Variants in ZFHX3 observed in about 807,000 individuals in gnomAD.
ZFHX3 encodes the protein zinc finger homeobox protein 3.
ZFHX3 carries 42 observed loss-of-function variants against 279.1 expected under a neutral mutation model. The ratio of observed to expected loss-of-function variants is 0.15; its 90% CI spans 0.12 to 0.19. The LOEUF (loss-of-function observed/expected upper bound fraction) is 0.19. ZFHX3 is among the 10% of genes least tolerant of loss of function. The pLI is 1.00. For missense variants in ZFHX3, 4,981 were observed against 4,754.0 expected (o/e 1.05, Z -1.40); for synonymous variants, 2,293 against 1,957.8 (o/e 1.17, Z -4.52).
rs2035940339 is a variant in ZFHX3, at chr16:72,797,251, G to A, written c.5431C>T (p.Pro1811Ser). The change falls in exon 9 of 10, where the codon CCC (proline) becomes TCC (serine). Residue 1811 changes from proline (P) to serine (S), a missense_variant. Pro to Ser is a moderately conservative substitution (Grantham distance 74). Transcript: ENST00000268489. ...CTGGTCACTGGCAAGCTCACCTCGG[G>A]GTTAAGCTGGAACTCAGCACTGGGG... ...YIPSAEFQLN[P>S]EVSLPVTSGA... 17 of 1,613,632 alleles carry A rather than the reference G, an allele frequency of 1.1e-5. No homozygotes were observed. Among genetic ancestry groups the A allele is most frequent in the Non-Finnish European group, 1.4e-5 (16 of 1,179,750 alleles).
At chr16:73,009,048 A>G (rs1047851866) in intron 1 of ZFHX3, among the ~76,000 whole-genome samples, 8 of 152,126 alleles carry the variant, frequency 5.3e-5, no homozygotes, top group Non-Finnish European at 2.9e-5. Context: ...AGTTCCCTGT[A>G]TCTCCTTACG....
In ZFHX3 at chr16:73,105,396, T is replaced by TATATATATATATACACACAC. The variant is rs1567389820; in HGVS notation, c.-896-11818_-896-11799dup. 2.4e-3 allele frequency among the ~76,000 whole-genome samples: 78 copies of TATATATATATATACACACAC among 33,024 alleles called. 5 individuals are homozygous for TATATATATATATACACACAC. Among genetic ancestry groups the TATATATATATATACACACAC allele is most frequent in the South Asian group, 0.021 (7 of 326 alleles). 21.7% of individuals were successfully genotyped at this position (33,024 alleles called of 152,430 possible). A position where few individuals can be genotyped will look rare whatever the true frequency, so the allele number is the denominator to read the frequency against. On this transcript the variant is annotated intron_variant, in intron 7 of 17. Transcript: ENST00000641206. Reference sequence around the variant, plus strand: ...ATATATATATATACACACACACACATATATATATATATACACACACACATA... The same window carrying TATATATATATATACACACAC: ...ATATATATATATACACACACACACATATATATATATATACACACACATATATATATATACACACACACATA...
intron 4 of ZFHX3, among the ~76,000 whole-genome samples, chr16:72,838,509 T>C (rs2037258221): frequency 6.6e-6 from 1 of 152,200 alleles, no homozygotes. Context: ...CCAGGGCCTA[T>C]TAAGGCCTCC....
chr16:72,827,165 C>T (rs1354846382), intron 5 of ZFHX3, among the ~76,000 whole-genome samples: 1 of 152,176 alleles, frequency 6.6e-6, no homozygotes, highest in Non-Finnish European at 1.5e-5. Flanking sequence ...CCATTAAATG[C>T]TTGTATGTTG....
chr16:73,018,838 T>C (rs1054397511), intron 1 of ZFHX3, among the ~76,000 whole-genome samples: 1 of 152,150 alleles, frequency 6.6e-6, no homozygotes, highest in African/African-American at 2.4e-5. Context: ...ACAGCTCTTC[T>C]CATTCAAAGG....
chr16:73,533,877 T>C (rs957703323), intron 2 of ZFHX3, among the ~76,000 whole-genome samples: 10 of 152,112 alleles, frequency 6.6e-5, no homozygotes, highest in African/African-American at 2.4e-4. Flanking sequence ...CCACTTCTTA[T>C]CTCCCCATTG....
intron 2 of ZFHX3, among the ~76,000 whole-genome samples, chr16:72,952,893 A>T (rs1220058144): frequency 6.6e-6 from 1 of 152,114 alleles, no homozygotes; most frequent in Non-Finnish European, 1.5e-5. Flanking sequence ...TCTTTCCTAA[A>T]CACACGTGCA....
At chr16:72,935,100 T>C (rs1331195203) in intron 3 of ZFHX3, among the ~76,000 whole-genome samples, 1 of 152,342 alleles carries the variant, frequency 6.6e-6, no homozygotes, top group South Asian at 2.1e-4. Context: ...GGGTCACTCA[T>C]GTAAAATGCA....
At chr16:73,670,334 G>T (rs1464954345) in intron 2 of ZFHX3, among the ~76,000 whole-genome samples, 1 of 152,172 alleles carries the variant, frequency 6.6e-6, no homozygotes, top group African/African-American at 2.4e-5. Context: ...CATTCACAAG[G>T]AATAGGAGTA....
intron 3 of ZFHX3, among the ~76,000 whole-genome samples, chr16:73,375,283 C>T (rs1186873889): frequency 1.3e-5 from 2 of 152,136 alleles, no homozygotes; most frequent in African/African-American, 2.4e-5. Context: ...TCGTCTTTGG[C>T]TGATGGCACT....
In ZFHX3 at chr16:73,151,963, G is replaced by A. The variant is rs1245096277; in HGVS notation, c.-1103-8132C>T. 4.0e-5 allele frequency among the ~76,000 whole-genome samples: 6 copies of A among 150,998 alleles called. No individual in the cohort carries two copies. In the East Asian group the frequency reaches 1.2e-3, roughly 29 times the overall value. Reference sequence around the variant, plus strand: ...AAAAAAACAGAAAAGGAGAGGGGCGGAGAAGAGAGCTGGGAAGGGGGTTTG... The same window carrying A: ...AAAAAAACAGAAAAGGAGAGGGGCGAAGAAGAGAGCTGGGAAGGGGGTTTG... On this transcript the variant is annotated intron_variant, in intron 5 of 17. Coordinates refer to the ZFHX3 transcript ENST00000641206.
At chr16:72,820,965 G>A (rs2036776856) in intron 5 of ZFHX3, among the ~76,000 whole-genome samples, 1 of 152,082 alleles carries the variant, frequency 6.6e-6, no homozygotes, top group South Asian at 2.1e-4. Context: ...TAGGGTCTTT[G>A]AGCCCCAACA....
At chr16:72,876,766 G>C (rs2038326404) in intron 4 of ZFHX3, among the ~76,000 whole-genome samples, 1 of 152,054 alleles carries the variant, frequency 6.6e-6, no homozygotes, top group Admixed American at 6.5e-5. Context: ...GAAACAAACA[G>C]AAAAAGCCGC....
chr16:73,891,353 T>A lies in ZFHX3; in HGVS notation c.-1608+298A>T, dbSNP rs1333981168. On this transcript the variant is annotated intron_variant, in intron 1 of 17. Transcript: ENST00000641206. ...GGAGAAAGATACACACATACACGTG[T>A]CAGCAACGCGGCCCAGGCAGTCCTA... Among the ~76,000 whole-genome samples the A allele has an allele frequency of 2.6e-5, 4 of 151,962 alleles. No individual in the cohort carries two copies. In the East Asian group the frequency reaches 7.8e-4, roughly 30 times the overall value.
chr16:73,311,223 G>C (rs1256191277), intron 4 of ZFHX3, among the ~76,000 whole-genome samples: 1 of 151,508 alleles, frequency 6.6e-6, no homozygotes, highest in African/African-American at 2.4e-5. Context: ...ACAAGAGAGA[G>C]ACTTCGTCTC....
rs771005997 is a variant in ZFHX3, at chr16:72,794,561, C to T, written c.8121G>A (p.Ala2707=). The change falls in exon 9 of 10, where the codon GCG becomes GCA. Residue 2707 remains alanine, a synonymous_variant. Transcript: ENST00000268489. The surrounding 1 kb of genome is among the most constrained non-coding windows in gnomAD (Gnocchi z 4.2). ...AAAAAGGGCATCTCCTGTGGGCCTGCGCTGGGCCTACAGCCCGGAACTGTC... is the reference window on the plus strand; with the variant it reads ...AAAAAGGGCATCTCCTGTGGGCCTGTGCTGGGCCTACAGCCCGGAACTGTC... ...RKGQFRAVGP[A]QAHRRCPFCR... 1.6e-5 allele frequency: 26 copies of T among 1,614,080 alleles called. 1 individual carries two copies. Among genetic ancestry groups the T allele is most frequent in the Admixed American group, 8.3e-5 (5 of 60,010 alleles).
chr16:72,955,881 T>C (rs1463989105), intron 2 of ZFHX3, among the ~76,000 whole-genome samples: 1 of 151,786 alleles, frequency 6.6e-6, no homozygotes, highest in Admixed American at 6.6e-5. Context: ...TGCTCCAAGA[T>C]CTACCTCCCG....
At chr16:72,952,233 T>C (rs1257909755) in intron 2 of ZFHX3, among the ~76,000 whole-genome samples, 1 of 152,212 alleles carries the variant, frequency 6.6e-6, no homozygotes, top group Non-Finnish European at 1.5e-5. Flanking sequence ...AGCAGGACCC[T>C]GTCTCAAAAA....
At position 73,436,784 on chromosome 16, in the gene ZFHX3, G is replaced by A. The variant is rs150282025; in HGVS notation, c.-1291+19219C>T. On this transcript the variant is annotated intron_variant, in intron 3 of 17. Transcript: ENST00000641206. ...GCTGAAGTCAGGGGAGGGTGGGGTG[G>A]GGAATGGCTTCCTTCCTGTTTGTTT... 6.6e-5 allele frequency among the ~76,000 whole-genome samples: 10 copies of A among 152,112 alleles called. No individual in the cohort carries two copies. In the East Asian group the frequency reaches 1.9e-3, roughly 30 times the overall value.
Sources: gnomAD v4.1 joint callset for allele counts (sites outside exome capture counted in the v4.1 genomes callset) on GRCh38, gnomAD v4.1.1 for gene constraint, Gnocchi (gnomAD v3.1) non-coding constraint, MANE v1.5 for transcripts, NCBI Gene and HGNC (gene_info 2026-07-23, HGNC 2026-07-21) for gene names.